PDE4D: variants seen among roughly 807,000 people sequenced by gnomAD.
The protein encoded by PDE4D is 3',5'-cyclic-AMP phosphodiesterase 4D.
A neutral mutation model predicts 87.4 loss-of-function variants in PDE4D; 24 were observed. That is an observed-to-expected ratio of 0.27 (90% CI 0.20 to 0.39). The LOEUF (loss-of-function observed/expected upper bound fraction) is 0.39, where lower values mean the gene tolerates loss of function less well. Among genes scored for constraint, PDE4D ranks in the 10% least tolerant of loss-of-function variants. The probability of loss-of-function intolerance (pLI) is 1.00; values close to 1 mark genes in which losing one functional copy is unlikely to be tolerated. For synonymous variants in PDE4D, 384 were observed against 383.2 expected (o/e 1.00, Z -0.02); for missense variants, 714 against 1,041.0 (o/e 0.69, Z 4.32).
At chr5:60,057,809 G>T (rs1452584489) in intron 2 of PDE4D, among the ~76,000 whole-genome samples, 2 of 151,970 alleles carry the variant, frequency 1.3e-5, no homozygotes, top group African/African-American at 4.8e-5. Context: ...GAAGAAAATA[G>T]AAGTTATATA....
intron 1 of PDE4D, among the ~76,000 whole-genome samples, chr5:60,221,176 C>T (rs1404359146): frequency 1.3e-5 from 2 of 152,038 alleles, no homozygotes; most frequent in African/African-American, 2.4e-5. Flanking sequence ...TACACACACA[C>T]ATTTACACAC....
chr5:59,651,276 T>G (rs143907674), intron 1 of PDE4D, among the ~76,000 whole-genome samples: 43,133 of 142,360 alleles, frequency 0.3, 7,773 homozygotes, highest in East Asian at 0.66. Context: ...ATAATAATAA[T>G]AATAATAATA....
At chr5:59,285,167 C>G (rs1377106624) in intron 1 of PDE4D, among the ~76,000 whole-genome samples, 1 of 135,084 alleles carries the variant, frequency 7.4e-6, no homozygotes. Context: ...ACATATGTAA[C>G]TAACCTGCAC....
intron 1 of PDE4D, among the ~76,000 whole-genome samples, chr5:60,298,682 C>T (rs964865186): frequency 6.6e-6 from 1 of 152,076 alleles, no homozygotes; most frequent in African/African-American, 2.4e-5. Flanking sequence ...GGTTTTTTAT[C>T]TTCCACTAAT....
intron 1 of PDE4D, among the ~76,000 whole-genome samples, chr5:59,542,612 T>C (rs1263434725): frequency 6.6e-6 from 1 of 152,168 alleles, no homozygotes; most frequent in Non-Finnish European, 1.5e-5. Context: ...ACTCATCAAA[T>C]AATTTTGGCA....
At chr5:59,041,358 A>G (rs917897025) in intron 5 of PDE4D, among the ~76,000 whole-genome samples, 4 of 152,282 alleles carry the variant, frequency 2.6e-5, no homozygotes, top group Middle Eastern at 3.4e-3. Flanking sequence ...CTCTAACACA[A>G]TCATTTTCAT....
At chr5:59,660,406 T>G (rs1745045524) in intron 1 of PDE4D, among the ~76,000 whole-genome samples, 1 of 152,124 alleles carries the variant, frequency 6.6e-6, no homozygotes, top group African/African-American at 2.4e-5. Context: ...TAAAACCACT[T>G]CCTTTTATTT....
intron 1 of PDE4D, among the ~76,000 whole-genome samples, chr5:59,884,225 A>ACTGTCT (rs1043853239): frequency 6.6e-6 from 1 of 151,838 alleles, no homozygotes; most frequent in Non-Finnish European, 1.5e-5. Context: ...TATATGTAGT[A>ACTGTCT]CTGTCTCTGT....
chr5:59,840,355 T>TGTGTAA (rs1554096350), intron 1 of PDE4D, among the ~76,000 whole-genome samples: 7 of 151,798 alleles, frequency 4.6e-5, no homozygotes, highest in Non-Finnish European at 7.4e-5. Context: ...TGTGTGTGTG[T>TGTGTAA]AACGCTTATC....
At chr5:60,017,694 C>G (rs1479416392) in intron 2 of PDE4D, among the ~76,000 whole-genome samples, 2 of 152,148 alleles carry the variant, frequency 1.3e-5, no homozygotes, top group Non-Finnish European at 2.9e-5. Context: ...TGCAGTCTAT[C>G]ATTGGTGGGC....
At chr5:59,275,006 C>T (rs1334147435) in intron 1 of PDE4D, among the ~76,000 whole-genome samples, 4 of 152,106 alleles carry the variant, frequency 2.6e-5, no homozygotes, top group Non-Finnish European at 5.9e-5. Flanking sequence ...AGCCTGCTTG[C>T]AGCAAGCAAA....
intron 1 of PDE4D, among the ~76,000 whole-genome samples, chr5:60,494,270 G>T (rs1461855317): frequency 6.6e-6 from 1 of 152,174 alleles, no homozygotes; most frequent in East Asian, 1.9e-4. Flanking sequence ...GGGGTAGGGG[G>T]ATCTCAGACT....
intron 1 of PDE4D, among the ~76,000 whole-genome samples, chr5:59,243,232 T>C (rs960217364): frequency 2.6e-5 from 4 of 152,116 alleles, no homozygotes; most frequent in Non-Finnish European, 2.9e-5. Context: ...AACTTCTGAA[T>C]TGATCATAGA....
intron 1 of PDE4D, among the ~76,000 whole-genome samples, chr5:59,369,908 TACTCCTCCCTTGA>T (rs1043574741): frequency 6.6e-6 from 1 of 152,100 alleles, no homozygotes; most frequent in Non-Finnish European, 1.5e-5. Context: ...CCACTAAACC[TACTCCTCCCTTGA>T]ACTCCTCAAG....
In PDE4D at chr5:59,413,457, C is replaced by CAAAAAAAAAAAAAAAAAAAAAA. The variant is rs34074485; in HGVS notation, c.456-197511_456-197490dup. 6.6e-4 allele frequency among the ~76,000 whole-genome samples: 36 copies of CAAAAAAAAAAAAAAAAAAAAAA among 54,418 alleles called. 1 individual carries two copies. The highest frequency in any genetic ancestry group is 2.5e-3 in the African/African-American group (30 of 12,018). The allele number at this position is 54,418 out of a possible 152,430, so 35.7% of individuals were successfully genotyped here. ...TGGGTGACTGAGTGAGACTCCATCT[C>CAAAAAAAAAAAAAAAAAAAAAA]AAAAAAAAAAAAAAAAAAAAAAAAG... On this transcript the variant is annotated intron_variant, in intron 1 of 14. Transcript: ENST00000340635.
chr5:59,017,587 T>C (rs1427885572), intron 6 of PDE4D, among the ~76,000 whole-genome samples: 2 of 152,170 alleles, frequency 1.3e-5, no homozygotes, highest in Non-Finnish European at 2.9e-5. Flanking sequence ...TGCCAGACAG[T>C]TGAGTTTTGA....
intron 1 of PDE4D, among the ~76,000 whole-genome samples, chr5:59,417,790 A>G (rs1793852807): frequency 6.6e-6 from 1 of 152,224 alleles, no homozygotes; most frequent in African/African-American, 2.4e-5. Flanking sequence ...AAACATTCAT[A>G]TTTATTGCTG....
intron 2 of PDE4D, chr5:60,032,865 A>G (rs1490332582): frequency 6.6e-6 from 1 of 152,214 alleles, no homozygotes; most frequent in Non-Finnish European, 1.5e-5. Context: ...GAGAAACTAC[A>G]TTCATCTTGG....
At chr5:59,504,194 A>G (rs910076857) in intron 1 of PDE4D, among the ~76,000 whole-genome samples, 3 of 152,194 alleles carry the variant, frequency 2.0e-5, no homozygotes, top group East Asian at 1.9e-4. Context: ...TATAGGGCCC[A>G]TTTGAATCCT....
Sources: allele counts gnomAD v4.1 joint callset (sites outside exome capture counted in the v4.1 genomes callset), GRCh38; gene constraint gnomAD v4.1.1; transcripts MANE v1.5; gene names NCBI Gene and HGNC (gene_info 2026-07-23, HGNC 2026-07-21).